The following ACTR3C variants were observed in gnomAD, a reference collection of about 807,000 sequenced individuals.
ACTR3C encodes the protein actin-related protein 3C.
A neutral mutation model predicts 26.3 loss-of-function variants in ACTR3C; 18 were observed. The observed-to-expected ratio is 0.68, with a 90% CI of 0.47 to 1.01. The LOEUF (loss-of-function observed/expected upper bound fraction) is 1.01, where lower values mean the gene tolerates loss of function less well. Ranked by LOEUF, ACTR3C falls within the 50% of genes least tolerant of loss-of-function variation. ACTR3C has a pLI of 0.00. For missense variants in ACTR3C, 184 were observed against 250.7 expected, an observed-to-expected ratio of 0.73 and a Z score of 1.80; for synonymous variants, 55 against 94.5, an observed-to-expected ratio of 0.58 and a Z score of 2.42.
At chr7:150,043,644 C>T in the ACTR3C span, among the ~76,000 whole-genome samples, 1 of 152,216 alleles carries the variant, frequency 6.6e-6, no homozygotes, top group African/African-American at 2.4e-5. Context: ...CCTGCAATAT[C>T]CATGGCTATT....
rs571206179 is a variant in ACTR3C at position 150,292,500 on chromosome 7, A to ATTT, written c.153+809_153+811dup. On this transcript the variant is annotated intron_variant, in intron 3 of 7. Coordinates refer to ENST00000683684, the MANE Select transcript of ACTR3C (RefSeq NM_001164458.2). ...ACAATCTCCCCTTCTTGGCTTTTAA[A>ATTT]TTTTTTTTTTTTTTTTTTGAGACGG... is the stretch of plus-strand genomic sequence containing the variant. Among the ~76,000 whole-genome samples, 389 of 138,226 alleles carry ATTT rather than the reference A, an allele frequency of 2.8e-3. 4 individuals carry two copies. Among genetic ancestry groups the ATTT allele is most frequent in the African/African-American group, 9.7e-3 (351 of 36,324 alleles). 90.7% of individuals were successfully genotyped at this position (138,226 alleles called of 152,430 possible). A position where few individuals can be genotyped will look rare whatever the true frequency, so the allele number is the denominator to read the frequency against.
At chr7:150,025,535 C>T in the ACTR3C span, among the ~76,000 whole-genome samples, 34 of 152,122 alleles carry the variant, frequency 2.2e-4, no homozygotes, top group African/African-American at 7.5e-4. Context: ...AGTAAGACAA[C>T]GGTGTCCTCT....
the ACTR3C span, among the ~76,000 whole-genome samples, chr7:150,023,234 T>TCTCTATATAG: frequency 5.9e-5 from 2 of 34,092 alleles, no homozygotes; most frequent in Non-Finnish European, 1.5e-4. Flanking sequence ...GATCTCTATA[T>TCTCTATATAG]ATCTCTCTAT....
At chr7:150,080,527 ATGTGTGTGTGTG>A in the ACTR3C span, among the ~76,000 whole-genome samples, 3 of 142,556 alleles carry the variant, frequency 2.1e-5, no homozygotes, top group Non-Finnish European at 3.1e-5. Flanking sequence ...TTGTGTGTGT[ATGTGTGTGTGTG>A]TGTGTGTGTG....
chr7:149,952,848 A>T, the ACTR3C span, among the ~76,000 whole-genome samples: 105 of 151,150 alleles, frequency 6.9e-4, no homozygotes, highest in African/African-American at 2.5e-3. Context: ...AGATTCCCTC[A>T]TATACTGCTG....
the ACTR3C span, among the ~76,000 whole-genome samples, chr7:150,056,449 G>A: frequency 2.0e-5 from 3 of 152,112 alleles, no homozygotes; most frequent in Non-Finnish European, 4.4e-5. Context: ...TTCTCATAAA[G>A]GGGAAAAATA....
At chr7:150,317,189 T>C (rs886851666) in intron 1 of ACTR3C, among the ~76,000 whole-genome samples, 2 of 151,954 alleles carry the variant, frequency 1.3e-5, no homozygotes, top group Non-Finnish European at 2.9e-5. Context: ...GTAGCTGGGA[T>C]TACAGGCGTG....
downstream of ACTR3C, among the ~76,000 whole-genome samples, chr7:150,239,970 G>T (rs1832092684): frequency 6.6e-6 from 1 of 152,022 alleles, no homozygotes; most frequent in Non-Finnish European, 1.5e-5. Flanking sequence ...GGCCAGGCTG[G>T]TCTCAAACTC....
the ACTR3C span, among the ~76,000 whole-genome samples, chr7:149,882,853 A>C: frequency 3.2e-3 from 481 of 152,248 alleles, 3 homozygotes; most frequent in African/African-American, 0.011. Flanking sequence ...AAAATTACAA[A>C]GGGCTGTCTG....
chr7:150,241,206 A>T (rs1322558227), downstream of ACTR3C, among the ~76,000 whole-genome samples: 5 of 152,196 alleles, frequency 3.3e-5, no homozygotes, highest in Admixed American at 6.5e-5. Context: ...ATGATTTTGA[A>T]AAAGTATAAA....
At chr7:150,308,167 G>C (rs980484519) in intron 1 of ACTR3C, among the ~76,000 whole-genome samples, 1 of 152,056 alleles carries the variant, frequency 6.6e-6, no homozygotes, top group African/African-American at 2.4e-5. Context: ...AACCTCCCCT[G>C]GGTGGCAAGT....
chr7:150,142,522 C>T, the ACTR3C span, among the ~76,000 whole-genome samples: 5 of 152,082 alleles, frequency 3.3e-5, no homozygotes, highest in Non-Finnish European at 7.4e-5. Flanking sequence ...GGTCTATTTG[C>T]TTGTTTTTTT....
At chr7:150,191,485 G>A in the ACTR3C span, among the ~76,000 whole-genome samples, 1 of 152,094 alleles carries the variant, frequency 6.6e-6, no homozygotes, top group Non-Finnish European at 1.5e-5. Context: ...ATTTTGAATG[G>A]TAATTTTTAA....
the ACTR3C span, among the ~76,000 whole-genome samples, chr7:149,912,140 G>A: frequency 1.3e-5 from 2 of 151,968 alleles, no homozygotes; most frequent in Admixed American, 1.3e-4. Flanking sequence ...TGGTGAGAAT[G>A]AAATGTATGA....
the ACTR3C span, among the ~76,000 whole-genome samples, chr7:150,229,825 C>T: frequency 6.6e-6 from 1 of 151,618 alleles, no homozygotes. Flanking sequence ...AATGTTAAAC[C>T]AGTCATACAT....
the ACTR3C span, among the ~76,000 whole-genome samples, chr7:150,120,629 C>G: frequency 2.0e-5 from 3 of 152,020 alleles, no homozygotes; most frequent in Non-Finnish European, 4.4e-5. Flanking sequence ...CAGGACCAGA[C>G]GGATTCACAG....
At chr7:150,024,155 G>A in the ACTR3C span, among the ~76,000 whole-genome samples, 142,924 of 150,638 alleles carry the variant, frequency 0.95, 68,059 homozygotes, top group East Asian at 1. Flanking sequence ...CCCAGGGCAC[G>A]AAGGAACGTG....
the ACTR3C span, among the ~76,000 whole-genome samples, chr7:149,961,876 A>G: frequency 6.6e-6 from 1 of 152,064 alleles, no homozygotes; most frequent in East Asian, 1.9e-4. Context: ...ATGGGCTCAC[A>G]GGAGGTAAAC....
chr7:150,195,105 A>ATG, the ACTR3C span, among the ~76,000 whole-genome samples: 2 of 132,706 alleles, frequency 1.5e-5, no homozygotes, highest in African/African-American at 6.1e-5. Context: ...AAATACATAT[A>ATG]TGTATATATA....
Sources: gnomAD v4.1 joint callset for allele counts (sites outside exome capture counted in the v4.1 genomes callset) on GRCh38, gnomAD v4.1.1 for gene constraint, MANE v1.5 for transcripts, NCBI Gene and HGNC (gene_info 2026-07-23, HGNC 2026-07-21) for gene names.